The following CNTNAP5 variants were observed in gnomAD, a reference collection of about 807,000 sequenced individuals.
CNTNAP5 encodes contactin-associated protein-like 5.
CNTNAP5 carries 72 observed loss-of-function variants against 150.2 expected under a neutral mutation model. That is an observed-to-expected ratio of 0.48 (90% CI 0.40 to 0.58). The LOEUF is 0.58. Ranked by LOEUF, CNTNAP5 falls within the 20% of genes least tolerant of loss-of-function variation. CNTNAP5 has a pLI of 0.00. For synonymous variants in CNTNAP5, 672 were observed against 619.8 expected, an observed-to-expected ratio of 1.08 and a Z score of -1.25; for missense variants, 1,636 against 1,626.2, an observed-to-expected ratio of 1.01 and a Z score of -0.10.
intron 3 of CNTNAP5, among the ~76,000 whole-genome samples, chr2:124,292,614 A>G (rs1490802511): frequency 6.6e-6 from 1 of 152,132 alleles, no homozygotes; most frequent in African/African-American, 2.4e-5. Flanking sequence ...ATTGAAGAGA[A>G]GCATAGAGGC....
At chr2:124,026,885 C>G (rs1680907703) in intron 1 of CNTNAP5, among the ~76,000 whole-genome samples, 1 of 152,162 alleles carries the variant, frequency 6.6e-6, no homozygotes, top group Non-Finnish European at 1.5e-5. Context: ...CCTAGAGGAC[C>G]CTGTGCATTT....
At chr2:124,539,659 G>A (rs993304633) in intron 10 of CNTNAP5, among the ~76,000 whole-genome samples, 4 of 152,168 alleles carry the variant, frequency 2.6e-5, no homozygotes, top group Non-Finnish European at 5.9e-5. Flanking sequence ...TGGAATTTTG[G>A]CAAGGATTGA....
intron 6 of CNTNAP5, among the ~76,000 whole-genome samples, chr2:124,469,983 C>T (rs1693469429): frequency 6.6e-6 from 1 of 152,132 alleles, no homozygotes; most frequent in South Asian, 2.1e-4. Flanking sequence ...CATTGATGGA[C>T]ATTTATGTAG....
chr2:124,118,033 A>G (rs1401369854), intron 1 of CNTNAP5, among the ~76,000 whole-genome samples: 1 of 152,160 alleles, frequency 6.6e-6, no homozygotes, highest in Non-Finnish European at 1.5e-5. Context: ...ATTTTCAGGG[A>G]ATTCTTACAT....
At chr2:124,542,445 G>C (rs1418222765) in intron 10 of CNTNAP5, among the ~76,000 whole-genome samples, 1 of 151,876 alleles carries the variant, frequency 6.6e-6, no homozygotes, top group Non-Finnish European at 1.5e-5. Flanking sequence ...TTTAACAGGA[G>C]AGAAGTAAGG....
At chr2:124,334,131 G>A (rs1382731180) in intron 3 of CNTNAP5, among the ~76,000 whole-genome samples, 8 of 152,102 alleles carry the variant, frequency 5.3e-5, no homozygotes, top group African/African-American at 1.2e-4. Context: ...CCAAAAATGC[G>A]TTGTGTGGTG....
intron 14 of CNTNAP5, among the ~76,000 whole-genome samples, chr2:124,750,348 A>G (rs1320112689): frequency 3.9e-5 from 6 of 152,236 alleles, no homozygotes; most frequent in Admixed American, 3.9e-4. Flanking sequence ...CTAGGTGAGA[A>G]CAGATCAGAA....
At chr2:124,231,463 A>G (rs1489453493) in intron 2 of CNTNAP5, among the ~76,000 whole-genome samples, 2 of 152,172 alleles carry the variant, frequency 1.3e-5, no homozygotes, top group African/African-American at 4.8e-5. Flanking sequence ...CTTCACATTA[A>G]TCAATATCTT....
intron 11 of CNTNAP5, among the ~76,000 whole-genome samples, chr2:124,582,278 A>G (rs2104950073): frequency 1.3e-5 from 2 of 152,254 alleles, no homozygotes; most frequent in South Asian, 4.1e-4. Context: ...ATCGGACAGT[A>G]TTCAAGTGGC....
chr2:124,102,180 C>T (rs1683080846), intron 1 of CNTNAP5, among the ~76,000 whole-genome samples: 1 of 152,116 alleles, frequency 6.6e-6, no homozygotes, highest in South Asian at 2.1e-4. Flanking sequence ...TTAAAGCAAC[C>T]TTTGCGTTGT....
At chr2:124,342,886 TG>T (rs765911476) in intron 3 of CNTNAP5, among the ~76,000 whole-genome samples, 2 of 152,224 alleles carry the variant, frequency 1.3e-5, no homozygotes, top group Non-Finnish European at 2.9e-5. Context: ...AATTAATTCT[TG>T]TTCTGCTTAA....
intron 3 of CNTNAP5, among the ~76,000 whole-genome samples, chr2:124,394,721 T>G (rs888846347): frequency 3.3e-5 from 5 of 152,192 alleles, no homozygotes; most frequent in Non-Finnish European, 7.3e-5. Flanking sequence ...AAACTAAGGC[T>G]TAGAGGTAGA....
At chr2:124,233,559 G>T (rs891197181) in intron 2 of CNTNAP5, among the ~76,000 whole-genome samples, 1 of 152,006 alleles carries the variant, frequency 6.6e-6, no homozygotes, top group African/African-American at 2.4e-5. Context: ...AGTCAAGGAG[G>T]ATGGAATTAC....
chr2:124,308,551 C>T (rs1259754168), intron 3 of CNTNAP5, among the ~76,000 whole-genome samples: 1 of 152,128 alleles, frequency 6.6e-6, no homozygotes, highest in African/African-American at 2.4e-5. Context: ...AAGCCAGACA[C>T]TATTTAAACA....
chr2:124,380,074 C>T (rs1690749231), intron 3 of CNTNAP5, among the ~76,000 whole-genome samples: 1 of 151,902 alleles, frequency 6.6e-6, no homozygotes, highest in Non-Finnish European at 1.5e-5. Context: ...AACTATTTTC[C>T]TAGTTATTAA....
chr2:124,913,504 C>T (rs1305911755), intron 23 of CNTNAP5, among the ~76,000 whole-genome samples: 1 of 152,054 alleles, frequency 6.6e-6, no homozygotes, highest in African/African-American at 2.4e-5. Flanking sequence ...ACAGAGGCAT[C>T]TTGTCACTGA....
chr2:124,147,777 A>C (rs754725736), intron 1 of CNTNAP5, among the ~76,000 whole-genome samples: 1 of 152,196 alleles, frequency 6.6e-6, no homozygotes, highest in Non-Finnish European at 1.5e-5. Context: ...CCTGCAGGGC[A>C]TAGAGGCTTG....
chr2:124,344,046 T>C (rs1689680985), intron 3 of CNTNAP5, among the ~76,000 whole-genome samples: 1 of 152,154 alleles, frequency 6.6e-6, no homozygotes, highest in Non-Finnish European at 1.5e-5. Flanking sequence ...ATTGACAGAA[T>C]GGCTCCAAGC....
At chr2:124,513,410 G>A (rs1223059299) in intron 8 of CNTNAP5, among the ~76,000 whole-genome samples, 1 of 152,160 alleles carries the variant, frequency 6.6e-6, no homozygotes, top group East Asian at 1.9e-4. Context: ...GCATTTTGCA[G>A]GGACACGATT....
Sources: gnomAD v4.1 joint callset for allele counts (sites outside exome capture counted in the v4.1 genomes callset) on GRCh38, gnomAD v4.1.1 for gene constraint, MANE v1.5 for transcripts, NCBI Gene and HGNC (gene_info 2026-07-23, HGNC 2026-07-21) for gene names.